CCDC88C: variants seen among roughly 807,000 people sequenced by gnomAD.
CCDC88C encodes the protein coiled-coil and HOOK domain protein 88C.
In CCDC88C, 131 loss-of-function variants were observed where a neutral mutation model predicts 198.8. That is an observed-to-expected ratio of 0.66 (90% confidence interval 0.57 to 0.76). The LOEUF (loss-of-function observed/expected upper bound fraction) is 0.76, where lower values mean the gene tolerates loss of function less well. Among genes scored for constraint, CCDC88C ranks in the 30% least tolerant of loss-of-function variants. The pLI is 0.00. For synonymous variants in CCDC88C, 1,166 were observed against 1,114.7 expected, an observed-to-expected ratio of 1.05 and a Z score of -0.92; for missense variants, 2,553 against 2,631.6, an observed-to-expected ratio of 0.97 and a Z score of 0.65.
In CCDC88C at chr14:91,409,457, G is replaced by T. The variant is rs942999680; in HGVS notation, c.162-690C>A. 1.1e-4 allele frequency among the ~76,000 whole-genome samples: 17 copies of T among 150,990 alleles called. 1 individual carries two copies. Among genetic ancestry groups the T allele is most frequent in the Non-Finnish European group, 2.9e-5 (2 of 67,866 alleles). ...CCCAAAACACTGGGATGACAGGTGT[G>T]AGCCACTGTGCCCAGCCTAAAACGG... On this transcript the variant is annotated intron_variant, in intron 2 of 29. Transcript: ENST00000389857.
chr14:91,368,096 C>T (rs1246857583), intron 3 of CCDC88C, among the ~76,000 whole-genome samples: 1 of 152,188 alleles, frequency 6.6e-6, no homozygotes, highest in African/African-American at 2.4e-5. Flanking sequence ...AGAAAATATT[C>T]CTCAAAATAT....
rs1890277477 is a variant in CCDC88C, at chr14:91,283,320, G to GT, written c.4630+8dup. ...GACGCTCATGGCTCTGGAAGGGCCT[G>GT]TGACTCACCTTTGGTGCGGCCTGGG... On this transcript the variant is annotated intron_variant, in intron 26 of 29. Transcript: ENST00000389857. 2 of 1,612,152 alleles carry GT rather than the reference G, an allele frequency of 1.2e-6. No individual in the cohort carries two copies. The highest frequency in any genetic ancestry group is 1.7e-6 in the Non-Finnish European group (2 of 1,179,502).
chr14:91,358,301 A>G (rs1894136069), intron 4 of CCDC88C, among the ~76,000 whole-genome samples: 1 of 136,502 alleles, frequency 7.3e-6, no homozygotes, highest in Admixed American at 7.2e-5. Context: ...AGGAGACGCC[A>G]ACAGAGGAAG....
Position 91,371,331 on chromosome 14 carries a change from G to A in CCDC88C, c.271-11620C>T, listed in dbSNP as rs1157888796. On this transcript the variant is annotated intron_variant, in intron 3 of 29. Coordinates refer to ENST00000389857, the MANE Select transcript of CCDC88C (RefSeq NM_001080414.4). The surrounding 1 kb of genome is among the most constrained non-coding windows in gnomAD (Gnocchi z 4.2). Reference sequence around the variant, plus strand: ...TTCTGCTGATGGATAAGCAAGAAAGGGGCAGAGAAAGTGTGGCCAGAGGAA... The same window carrying A: ...TTCTGCTGATGGATAAGCAAGAAAGAGGCAGAGAAAGTGTGGCCAGAGGAA... 6.6e-6 allele frequency among the ~76,000 whole-genome samples: 1 copy of A among 152,082 alleles called. No homozygotes were observed. Among genetic ancestry groups the A allele is most frequent in the African/African-American group, 2.4e-5 (1 of 41,388 alleles).
chr14:91,411,172 G>A (rs914228762), intron 2 of CCDC88C, among the ~76,000 whole-genome samples: 30 of 152,084 alleles, frequency 2.0e-4, no homozygotes, highest in African/African-American at 7.2e-4. Context: ...CAAAACAAAA[G>A]CCTCAACTAC....
intron 18 of CCDC88C, among the ~76,000 whole-genome samples, chr14:91,306,577 G>T (rs1891564000): frequency 6.6e-6 from 1 of 152,226 alleles, no homozygotes; most frequent in South Asian, 2.1e-4. Context: ...GCACGGACAT[G>T]CATTAGCAGA....
intron 3 of CCDC88C, among the ~76,000 whole-genome samples, chr14:91,367,589 T>C (rs1894600702): frequency 6.6e-6 from 1 of 152,118 alleles, no homozygotes; most frequent in Non-Finnish European, 1.5e-5. Context: ...ACTCTCGGCC[T>C]GTCTGGGAGG....
rs115001127 is a variant in CCDC88C at position 91,299,366 on chromosome 14, C to T, written c.3779+561G>A. ...TCCCGAAAGCACAAAATATGAAAACCGTGGCATTGAAGAGATTCTGAAAGG... is the reference window on the plus strand; with the variant it reads ...TCCCGAAAGCACAAAATATGAAAACTGTGGCATTGAAGAGATTCTGAAAGG... On this transcript the variant is annotated intron_variant, in intron 21 of 29. Transcript: ENST00000389857. Among the ~76,000 whole-genome samples, 890 of 152,236 alleles carry T rather than the reference C, an allele frequency of 5.8e-3. 5 individuals are homozygous for T. The highest frequency in any genetic ancestry group is 0.021 in the African/African-American group (856 of 41,542).
chr14:91,355,625 G>A (rs1319916150), intron 4 of CCDC88C, among the ~76,000 whole-genome samples: 1 of 152,214 alleles, frequency 6.6e-6, no homozygotes, highest in Admixed American at 6.5e-5. Flanking sequence ...GGCAGATGCT[G>A]AGGAGAGATT....
intron 3 of CCDC88C, among the ~76,000 whole-genome samples, chr14:91,368,139 T>C (rs1228435591): frequency 6.6e-6 from 1 of 152,246 alleles, no homozygotes; most frequent in East Asian, 1.9e-4. Flanking sequence ...AAACCTCTTT[T>C]GTGGAGGAGG....
At chr14:91,310,050 C>A in intron 15 of CCDC88C, 64 bp from the exon 16 acceptor site, 1 of 1,468,756 alleles carries the variant, frequency 6.8e-7, no homozygotes, top group Non-Finnish European at 9.1e-7. Flanking sequence ...GGCCAGGCGC[C>A]AGTCCCGCCC....
At chr14:91,357,488 G>A (rs1361962680) in intron 4 of CCDC88C, among the ~76,000 whole-genome samples, 1 of 152,204 alleles carries the variant, frequency 6.6e-6, no homozygotes, top group East Asian at 1.9e-4. Context: ...TGTAACGCAC[G>A]TTCAGTGCCA....
chr14:91,303,633 C>A, intron 20 of CCDC88C, 68 bp downstream of exon 20: 2 of 1,393,570 alleles, frequency 1.4e-6, no homozygotes, highest in Non-Finnish European at 9.6e-7. Flanking sequence ...CCCCACCTTT[C>A]CCCCTGGGCC....
chr14:91,274,245 G>A (rs961706764), intron 29 of CCDC88C, among the ~76,000 whole-genome samples: 4 of 152,144 alleles, frequency 2.6e-5, no homozygotes, highest in Non-Finnish European at 5.9e-5. Flanking sequence ...AATGGGGTCC[G>A]CGAGGGTCCA....
At chr14:91,308,297 A>C in intron 17 of CCDC88C, 54 bp downstream of exon 17, 1 of 1,602,726 alleles carries the variant, frequency 6.2e-7, no homozygotes, top group Non-Finnish European at 8.5e-7. Flanking sequence ...GGGGCTGGAA[A>C]GGGTGAGGCT....
intron 20 of CCDC88C, among the ~76,000 whole-genome samples, chr14:91,302,538 CTTA>C (rs927993525): frequency 4.7e-4 from 72 of 152,186 alleles, no homozygotes; most frequent in South Asian, 2.1e-4. Context: ...GATTGGCTGA[CTTA>C]ATGAATACAA....
intron 19 of CCDC88C, among the ~76,000 whole-genome samples, chr14:91,305,182 A>T (rs1199125856): frequency 6.6e-6 from 1 of 152,216 alleles, no homozygotes; most frequent in Non-Finnish European, 1.5e-5. Flanking sequence ...TGGGTGACAG[A>T]GTGAGACTCC....
chr14:91,292,283 C>T (rs934500598), intron 23 of CCDC88C, among the ~76,000 whole-genome samples: 1 of 152,178 alleles, frequency 6.6e-6, no homozygotes, highest in East Asian at 1.9e-4. Context: ...CAGACTCACA[C>T]GAACTCCAGG....
chr14:91,359,228 A>C (rs1894188739), intron 4 of CCDC88C, among the ~76,000 whole-genome samples: 1 of 132,042 alleles, frequency 7.6e-6, no homozygotes, highest in Non-Finnish European at 1.7e-5. Flanking sequence ...CAGTGGCACA[A>C]TCTCAGCTCA....
Sources: allele counts gnomAD v4.1 joint callset (sites outside exome capture counted in the v4.1 genomes callset), GRCh38; gene constraint gnomAD v4.1.1; non-coding constraint Gnocchi (gnomAD v3.1); transcripts MANE v1.5; gene names NCBI Gene and HGNC (gene_info 2026-07-23, HGNC 2026-07-21).